RYR2: variants seen among roughly 807,000 people sequenced by gnomAD.
RYR2 encodes the protein cardiac muscle ryanodine receptor-calcium release channel.
RYR2 carries 227 observed loss-of-function variants against 601.1 expected under a neutral mutation model. The ratio of observed to expected loss-of-function variants is 0.38; its 90% CI spans 0.34 to 0.42. The LOEUF is 0.42. Ranked by LOEUF, RYR2 falls within the 10% of genes least tolerant of loss-of-function variation. The pLI is 1.00. For missense variants in RYR2, 4,646 were observed against 6,156.5 expected (o/e 0.75, Z 8.21); for synonymous variants, 2,223 against 2,175.1 (o/e 1.02, Z -0.61).
chr1:237,411,815 AAAC>A (rs1199264780), intron 10 of RYR2, among the ~76,000 whole-genome samples: 2 of 152,300 alleles, frequency 1.3e-5, no homozygotes, highest in Admixed American at 1.3e-4. Flanking sequence ...CCTGCAGAAC[AAAC>A]AAGAGAGTAA....
chr1:237,728,431 G>A (rs775882184), intron 76 of RYR2, among the ~76,000 whole-genome samples: 2 of 152,012 alleles, frequency 1.3e-5, no homozygotes, highest in Non-Finnish European at 2.9e-5. Flanking sequence ...TCCCATGACT[G>A]GGTATATACC....
intron 3 of RYR2, among the ~76,000 whole-genome samples, chr1:237,335,246 T>C (rs547193998): frequency 1.3e-5 from 2 of 152,354 alleles, no homozygotes; most frequent in East Asian, 3.9e-4. Flanking sequence ...GTTTCATAAT[T>C]TAAGTAATAT....
chr1:237,707,248 G>A lies in RYR2; in HGVS notation c.9880G>A (p.Ala3294Thr), dbSNP rs746868168. The A allele has an allele frequency of 1.3e-6, 2 of 1,546,062 alleles. No homozygotes were observed. Among genetic ancestry groups the A allele is most frequent in the Non-Finnish European group, 1.8e-6 (2 of 1,137,076 alleles). The change falls in exon 68 of 105, where the codon GCC becomes ACC. Residue 3294 changes from alanine (A) to threonine (T), a missense_variant. By Grantham distance (58) the Ala-to-Thr change is moderately conservative. This residue lies in a region of RYR2 where 1,497 missense variants were observed against 1,842.6 expected (regional missense o/e 0.81). Transcript: ENST00000366574. Reference protein sequence around the residue: ...IYNNLGIDEGAWMKRLAVFSQ... With the variant: ...IYNNLGIDEGTWMKRLAVFSQ... ...TAATAACTTGGGGATTGATGAGGGA[G>A]CCTGGATGAAGAGGCTAGCAGGTAA...
intron 1 of RYR2, among the ~76,000 whole-genome samples, chr1:237,050,715 G>A (rs1471374138): frequency 6.6e-6 from 1 of 152,074 alleles, no homozygotes; most frequent in Non-Finnish European, 1.5e-5. Context: ...ATTTTGAGAA[G>A]ATCAAGAAAA....
chr1:237,705,417 A>G, intron 67 of RYR2, 74 bp downstream of exon 67: 9 of 1,206,830 alleles, frequency 7.5e-6, no homozygotes, highest in Non-Finnish European at 9.3e-6. Flanking sequence ...TCCAATAGTG[A>G]TTTTTAATGA....
chr1:237,757,472 G>A (rs1368661193), intron 81 of RYR2, among the ~76,000 whole-genome samples: 2 of 151,938 alleles, frequency 1.3e-5, no homozygotes, highest in African/African-American at 2.4e-5. Context: ...TCTTCTTATG[G>A]TTTCAGTTCT....
intron 2 of RYR2, among the ~76,000 whole-genome samples, chr1:237,327,265 G>GT (rs1696261260): frequency 6.6e-6 from 1 of 152,090 alleles, no homozygotes; most frequent in African/African-American, 2.4e-5. Context: ...GGTGGCGTTT[G>GT]TAAGACACAG....
chr1:237,155,399 A>G (rs1409408722), intron 1 of RYR2, among the ~76,000 whole-genome samples: 1 of 151,846 alleles, frequency 6.6e-6, no homozygotes, highest in Non-Finnish European at 1.5e-5. Flanking sequence ...GATGGTCTTG[A>G]TCTCCTGACC....
chr1:237,172,013 A>G (rs190415352), intron 1 of RYR2, among the ~76,000 whole-genome samples: 1 of 152,358 alleles, frequency 6.6e-6, no homozygotes. Context: ...AAGTCAGCTT[A>G]GCTTGGCTGT....
chr1:237,480,461 ATG>A (rs1376934248), intron 17 of RYR2, among the ~76,000 whole-genome samples: 1 of 151,438 alleles, frequency 6.6e-6, no homozygotes, highest in Non-Finnish European at 1.5e-5. Context: ...AGGTTTTGAG[ATG>A]TGGCAATTTA....
intron 1 of RYR2, among the ~76,000 whole-genome samples, chr1:237,196,893 C>T (rs1453332337): frequency 1.3e-5 from 2 of 152,074 alleles, no homozygotes; most frequent in African/African-American, 4.8e-5. Context: ...GCCTTTCTAT[C>T]CATAAACATG....
intron 1 of RYR2, among the ~76,000 whole-genome samples, chr1:237,105,384 G>A (rs1460071581): frequency 1.3e-5 from 2 of 152,142 alleles, no homozygotes; most frequent in South Asian, 4.1e-4. Context: ...GTGATGGAGG[G>A]AATGAGTGGT....
chr1:237,512,550 A>G (rs1418430613), intron 24 of RYR2, among the ~76,000 whole-genome samples: 1 of 152,224 alleles, frequency 6.6e-6, no homozygotes, highest in Non-Finnish European at 1.5e-5. Flanking sequence ...TCTGAGCACC[A>G]TATCTTTGGT....
At chr1:237,755,351 C>A (rs1334826896) in intron 80 of RYR2, among the ~76,000 whole-genome samples, 1 of 152,154 alleles carries the variant, frequency 6.6e-6, no homozygotes, top group Non-Finnish European at 1.5e-5. Flanking sequence ...TGCAGCTCTT[C>A]CTGCTCTTAG....
At chr1:237,355,658 G>T (rs534752753) in intron 3 of RYR2, among the ~76,000 whole-genome samples, 106 of 152,186 alleles carry the variant, frequency 7.0e-4, no homozygotes, top group African/African-American at 2.4e-3. Flanking sequence ...GGCCTATTAC[G>T]TTTGAGAATT....
chr1:237,761,558 C>T lies in RYR2; in HGVS notation c.11476+530C>T, dbSNP rs116828602. 3.6e-3 allele frequency among the ~76,000 whole-genome samples: 543 copies of T among 152,242 alleles called. 2 individuals carry two copies. Among genetic ancestry groups the T allele is most frequent in the African/African-American group, 0.012 (508 of 41,532 alleles). ...GAAAGAAATTAGAGACCAGTTATTT[C>T]GCTTAAATAATTCTGTGCACAAAAG... On this transcript the variant is annotated intron_variant, in intron 84 of 104. Coordinates refer to ENST00000366574, the MANE Select transcript of RYR2 (RefSeq NM_001035.3).
chr1:237,309,834 G>A (rs974794147), intron 2 of RYR2, among the ~76,000 whole-genome samples: 2 of 152,176 alleles, frequency 1.3e-5, no homozygotes, highest in Non-Finnish European at 2.9e-5. Flanking sequence ...GGCACTGCTG[G>A]GGGACCTGGT....
chr1:237,411,052 G>GCACA (rs1049457290), intron 10 of RYR2, among the ~76,000 whole-genome samples: 1 of 152,056 alleles, frequency 6.6e-6, no homozygotes, highest in Non-Finnish European at 1.5e-5. Context: ...AATAAGCCAG[G>GCACA]CACAGAAAGA....
chr1:237,107,567 G>A (rs1282316924), intron 1 of RYR2, among the ~76,000 whole-genome samples: 2 of 147,616 alleles, frequency 1.4e-5, no homozygotes, highest in Admixed American at 6.9e-5. Context: ...CTTCTCTGCA[G>A]CTTTAGTTTT....
Sources: allele counts gnomAD v4.1 joint callset (sites outside exome capture counted in the v4.1 genomes callset), GRCh38; gene constraint gnomAD v4.1.1; regional missense constraint gnomAD v4.1.1; transcripts MANE v1.5; gene names NCBI Gene and HGNC (gene_info 2026-07-23, HGNC 2026-07-21).